Variants in FARS2 observed in about 807,000 individuals in gnomAD.
FARS2 encodes phenylalanine--tRNA ligase, mitochondrial.
FARS2 carries 40 observed loss-of-function variants against 46.4 expected under a neutral mutation model. That is an observed-to-expected ratio of 0.86 (90% CI 0.67 to 1.12). FARS2 has a LOEUF of 1.12. FARS2 is among the 50% of genes most tolerant of loss of function. The probability of loss-of-function intolerance (pLI) is 0.00; values close to 1 mark genes in which losing one functional copy is unlikely to be tolerated. For missense variants in FARS2, 513 were observed against 567.9 expected (o/e 0.90, Z 0.98); for synonymous variants, 234 against 214.9 (o/e 1.09, Z -0.78).
At chr6:5,456,727 T>G (rs1285546630) in intron 4 of FARS2, among the ~76,000 whole-genome samples, 1 of 8,268 alleles carries the variant, frequency 1.2e-4, no homozygotes, top group African/African-American at 4.1e-4. Context: ...CGAGACTCCA[T>G]CTCAAAAAAA....
At chr6:5,761,294 G>A (rs756516737) in intron 6 of FARS2, among the ~76,000 whole-genome samples, 1 of 152,134 alleles carries the variant, frequency 6.6e-6, no homozygotes, top group Non-Finnish European at 1.5e-5. Context: ...TTGTAATATA[G>A]CCTAATCCTT....
chr6:5,541,714 G>T (rs1341412153), intron 4 of FARS2, among the ~76,000 whole-genome samples: 3 of 152,022 alleles, frequency 2.0e-5, no homozygotes, highest in Non-Finnish European at 2.9e-5. Flanking sequence ...AAAGAATTCC[G>T]GGCAAGTCCG....
intron 2 of FARS2, among the ~76,000 whole-genome samples, chr6:5,394,840 C>T (rs575611415): frequency 1.3e-5 from 2 of 151,904 alleles, no homozygotes; most frequent in South Asian, 4.2e-4. Flanking sequence ...TCTTGATGCT[C>T]GTTAACTTTT....
chr6:5,711,334 C>T (rs1369830786), intron 6 of FARS2, among the ~76,000 whole-genome samples: 1 of 151,970 alleles, frequency 6.6e-6, no homozygotes, highest in Non-Finnish European at 1.5e-5. Flanking sequence ...AGAAATCTCC[C>T]ATGCACAGGA....
chr6:5,498,513 C>T (rs964216594), intron 4 of FARS2, among the ~76,000 whole-genome samples: 4 of 152,202 alleles, frequency 2.6e-5, no homozygotes, highest in African/African-American at 9.7e-5. Context: ...GGAATCTGTT[C>T]ATCACCGTGT....
chr6:5,754,925 G>T (rs1236097787), intron 6 of FARS2, among the ~76,000 whole-genome samples: 1 of 152,162 alleles, frequency 6.6e-6, no homozygotes, highest in Non-Finnish European at 1.5e-5. Flanking sequence ...TCCTGAGTCT[G>T]AAGAGTTCAT....
chr6:5,652,346 G>T (rs749262353), intron 6 of FARS2, among the ~76,000 whole-genome samples: 5 of 152,220 alleles, frequency 3.3e-5, no homozygotes, highest in South Asian at 2.1e-4. Flanking sequence ...AAAGTCCTGA[G>T]AATTATTTGA....
chr6:5,361,415 G>A (rs995240294), intron 1 of FARS2, among the ~76,000 whole-genome samples: 12 of 152,098 alleles, frequency 7.9e-5, no homozygotes, highest in African/African-American at 2.9e-4. Context: ...ATTTCCTTGT[G>A]ATAGATTCCC....
At chr6:5,648,006 C>A (rs910461239) in intron 6 of FARS2, among the ~76,000 whole-genome samples, 7 of 152,234 alleles carry the variant, frequency 4.6e-5, no homozygotes, top group Non-Finnish European at 1.0e-4. Flanking sequence ...CTACTGCATT[C>A]AGGTTCTTGT....
At chr6:5,514,743 A>G (rs1252656082) in intron 4 of FARS2, among the ~76,000 whole-genome samples, 2 of 151,194 alleles carry the variant, frequency 1.3e-5, no homozygotes, top group East Asian at 3.9e-4. Flanking sequence ...TACATTCTTA[A>G]TCTTCCCCCA....
rs537145222 is a variant in FARS2 at position 5,387,563 on chromosome 6, A to G, written c.613-16979A>G. On this transcript the variant is annotated intron_variant, in intron 2 of 6. Transcript: ENST00000274680. ...ATGATTAGCATAGTCTCTGAAGTTA[A>G]TTGGAGAGAACAGCTAATACTTTCT... Among the ~76,000 whole-genome samples, 261 of 152,344 alleles carry G rather than the reference A, an allele frequency of 1.7e-3. 1 individual carries two copies. Among genetic ancestry groups the G allele is most frequent in the Non-Finnish European group, 3.1e-3 (209 of 68,020 alleles).
At chr6:5,768,401 A>G (rs1762857704) in intron 6 of FARS2, among the ~76,000 whole-genome samples, 2 of 152,206 alleles carry the variant, frequency 1.3e-5, no homozygotes, top group Admixed American at 1.3e-4. Context: ...TTTTCTGAGC[A>G]CATAGAAATA....
At chr6:5,681,037 G>T (rs1240765960) in intron 6 of FARS2, among the ~76,000 whole-genome samples, 2 of 152,230 alleles carry the variant, frequency 1.3e-5, no homozygotes, top group African/African-American at 4.8e-5. Context: ...GCCGTGTTGA[G>T]TGTAAATCTC....
chr6:5,656,562 T>TGGTCTGTATGTATATATTTATTTA (rs55849729), intron 6 of FARS2, among the ~76,000 whole-genome samples: 1 of 151,818 alleles, frequency 6.6e-6, no homozygotes, highest in African/African-American at 2.4e-5. Context: ...TCTTTGTTTT[T>TGGTCTGTATGTATATATTTATTTA]TTTTTGGAGA....
chr6:5,660,650 G>GAAA lies in FARS2; in HGVS notation c.1217+47347_1217+47349dup, dbSNP rs58377881. Among the ~76,000 whole-genome samples the GAAA allele has an allele frequency of 1.8e-3, 189 of 104,110 alleles. 1 individual carries two copies. Among genetic ancestry groups the GAAA allele is most frequent in the African/African-American group, 7.0e-3 (181 of 25,952 alleles). The allele number at this position is 104,110 out of a possible 152,430, so 68.3% of individuals were successfully genotyped here. ...GACAATAGAGTGAGACCCTGTCTCA[G>GAAA]AAAAAAAAAAAAAAAAAAAGTAACA... On this transcript the variant is annotated intron_variant, in intron 6 of 6. Coordinates refer to ENST00000274680, the MANE Select transcript of FARS2 (RefSeq NM_006567.5).
chr6:5,405,772 G>A (rs908514550), intron 3 of FARS2, among the ~76,000 whole-genome samples: 14 of 151,976 alleles, frequency 9.2e-5, no homozygotes, highest in South Asian at 2.1e-4. Flanking sequence ...GATTACAGGC[G>A]TGATCCACGG....
intron 6 of FARS2, among the ~76,000 whole-genome samples, chr6:5,724,983 A>G: frequency 6.6e-6 from 1 of 152,382 alleles, no homozygotes; most frequent in East Asian, 1.9e-4. Context: ...CATTAAACAA[A>G]TAATCACACA....
intron 1 of FARS2, among the ~76,000 whole-genome samples, chr6:5,332,030 A>G (rs1033541835): frequency 1.3e-5 from 2 of 152,186 alleles, no homozygotes; most frequent in Non-Finnish European, 2.9e-5. Context: ...CAGAAAGTCA[A>G]TGAAATAGAT....
chr6:5,717,222 C>CAG (rs1561817988), intron 6 of FARS2, among the ~76,000 whole-genome samples: 1 of 152,100 alleles, frequency 6.6e-6, no homozygotes, highest in Non-Finnish European at 1.5e-5. Context: ...GGTAGAAGGT[C>CAG]AGAGAGAGAT....
Sources: gnomAD v4.1 joint callset for allele counts (sites outside exome capture counted in the v4.1 genomes callset) on GRCh38, gnomAD v4.1.1 for gene constraint, MANE v1.5 for transcripts, NCBI Gene and HGNC (gene_info 2026-07-23, HGNC 2026-07-21) for gene names.